Variants in SEMA5A observed in about 807,000 individuals in gnomAD.
SEMA5A encodes the protein semaphorin 5A.
In SEMA5A, 55 loss-of-function variants were observed where a neutral mutation model predicts 135.5. The ratio of observed to expected loss-of-function variants is 0.41; its 90% confidence interval spans 0.33 to 0.51. SEMA5A has a LOEUF of 0.51. SEMA5A is among the 20% of genes least tolerant of loss of function. SEMA5A has a pLI of 0.37. For missense variants in SEMA5A, 1,290 were observed against 1,419.9 expected (o/e 0.91, Z 1.47); for synonymous variants, 580 against 546.5 (o/e 1.06, Z -0.85).
At chr5:9,519,136 T>C (rs979239073) in intron 1 of SEMA5A, among the ~76,000 whole-genome samples, 2 of 152,232 alleles carry the variant, frequency 1.3e-5, no homozygotes, top group Non-Finnish European at 1.5e-5. Context: ...ATGGAGCTGC[T>C]AAGGCATCAG....
intron 5 of SEMA5A, among the ~76,000 whole-genome samples, chr5:9,262,846 T>G (rs1178673936): frequency 8.0e-6 from 1 of 124,754 alleles, no homozygotes; most frequent in African/African-American, 3.1e-5. Context: ...TGTATACATA[T>G]GTAACTAACC....
At chr5:9,054,401 C>T in intron 18 of SEMA5A, 144 bp from the exon 19 acceptor site, 2 of 994,296 alleles carry the variant, frequency 2.0e-6, no homozygotes, top group South Asian at 1.8e-5. Context: ...AGTGCATAGG[C>T]ACACGTAGCA....
chr5:9,353,241 A>G (rs201981449), intron 3 of SEMA5A, among the ~76,000 whole-genome samples: 5,220 of 94,582 alleles, frequency 0.055, 267 homozygotes, highest in Middle Eastern at 0.079. Context: ...GAAAGGAAGG[A>G]AAGGGAAGGG....
chr5:9,468,222 T>A (rs1276133690), intron 1 of SEMA5A, among the ~76,000 whole-genome samples: 3 of 152,214 alleles, frequency 2.0e-5, no homozygotes, highest in Non-Finnish European at 4.4e-5. Context: ...TTTTTCTTGT[T>A]GCAGCTTTAA....
chr5:9,443,436 T>C (rs989094955), intron 1 of SEMA5A, among the ~76,000 whole-genome samples: 1 of 152,182 alleles, frequency 6.6e-6, no homozygotes, highest in Non-Finnish European at 1.5e-5. Context: ...CCTGAAATGG[T>C]GCAGCCAACT....
intron 8 of SEMA5A, among the ~76,000 whole-genome samples, chr5:9,212,727 T>C (rs1344819482): frequency 1.3e-5 from 2 of 152,230 alleles, no homozygotes; most frequent in Non-Finnish European, 2.9e-5. Flanking sequence ...TGCTAATGTC[T>C]TACTCATTCA....
chr5:9,135,350 T>TTTTGTA (rs897498376), intron 13 of SEMA5A, among the ~76,000 whole-genome samples: 6 of 151,804 alleles, frequency 4.0e-5, no homozygotes, highest in Admixed American at 1.3e-4. Context: ...CTGGCTAATT[T>TTTTGTA]TTTGTATTTT....
intron 5 of SEMA5A, among the ~76,000 whole-genome samples, chr5:9,284,841 T>C (rs769385167): frequency 6.6e-6 from 1 of 152,226 alleles, no homozygotes; most frequent in Non-Finnish European, 1.5e-5. Flanking sequence ...TAGCACACAT[T>C]GCTTCAATTA....
chr5:9,241,208 A>T (rs1748178229), intron 5 of SEMA5A, among the ~76,000 whole-genome samples: 1 of 152,160 alleles, frequency 6.6e-6, no homozygotes, highest in Non-Finnish European at 1.5e-5. Context: ...TTCTGTAAAT[A>T]CATACAAATA....
chr5:9,165,981 T>G (rs1180958259), intron 11 of SEMA5A, among the ~76,000 whole-genome samples: 1 of 152,100 alleles, frequency 6.6e-6, no homozygotes, highest in Non-Finnish European at 1.5e-5. Context: ...GAAAAAAAGG[T>G]CTTCTTGGCT....
intron 16 of SEMA5A, among the ~76,000 whole-genome samples, chr5:9,072,814 CAAT>C (rs1403864422): frequency 3.3e-5 from 5 of 152,286 alleles, no homozygotes; most frequent in South Asian, 2.1e-4. Flanking sequence ...TTTAAATTCA[CAAT>C]GTCTTGCATC....
intron 13 of SEMA5A, among the ~76,000 whole-genome samples, chr5:9,127,558 C>A (rs572390309): frequency 6.6e-6 from 1 of 152,154 alleles, no homozygotes; most frequent in African/African-American, 2.4e-5. Flanking sequence ...CACCCTGTAC[C>A]GACAAACTGA....
rs570516255 is a variant in SEMA5A, at chr5:9,039,261, C to T, written c.*3636G>A. 333 of 152,462 alleles carry T rather than the reference C, an allele frequency of 2.2e-3. No homozygotes were observed. Among genetic ancestry groups the T allele is most frequent in the African/African-American group, 7.5e-3 (311 of 41,594 alleles). The allele number at this position is 152,462 out of a possible 1,614,324, so 9.4% of individuals were successfully genotyped here. A position where few individuals can be genotyped will look rare whatever the true frequency, so the allele number is the denominator to read the frequency against. Reference sequence around the variant, plus strand: ...AACCGTTTCCGGGAACTGTCCATAGCACTTGCTGGGGTGACCAGGTCCTGC... The same window carrying T: ...AACCGTTTCCGGGAACTGTCCATAGTACTTGCTGGGGTGACCAGGTCCTGC... On this transcript the variant is annotated 3_prime_UTR_variant, in exon 23 of 23. Coordinates refer to ENST00000382496, the MANE Select transcript of SEMA5A (RefSeq NM_003966.3).
intron 1 of SEMA5A, among the ~76,000 whole-genome samples, chr5:9,493,017 G>A (rs1281997946): frequency 6.6e-6 from 1 of 152,078 alleles, no homozygotes; most frequent in African/African-American, 2.4e-5. Flanking sequence ...TATGAACTCT[G>A]GGTGATGATG....
At chr5:9,066,683 G>A in intron 16 of SEMA5A, 37 bp from the exon 17 acceptor site, 2 of 1,586,068 alleles carry the variant, frequency 1.3e-6, no homozygotes, top group Non-Finnish European at 1.7e-6. Context: ...ACTATACGGG[G>A]TAAACAGAGC....
intron 6 of SEMA5A, among the ~76,000 whole-genome samples, chr5:9,227,783 C>T (rs1201640416): frequency 6.6e-6 from 1 of 152,124 alleles, no homozygotes; most frequent in Non-Finnish European, 1.5e-5. Context: ...ATCTCTTGAC[C>T]TCGTGATCTA....
At chr5:9,443,992 C>T (rs567057058) in intron 1 of SEMA5A, among the ~76,000 whole-genome samples, 3 of 152,334 alleles carry the variant, frequency 2.0e-5, no homozygotes, top group African/African-American at 7.2e-5. Flanking sequence ...CCTCTACAGG[C>T]CAGCACTGGC....
At chr5:9,176,062 A>G (rs1744187286) in intron 11 of SEMA5A, among the ~76,000 whole-genome samples, 1 of 152,220 alleles carries the variant, frequency 6.6e-6, no homozygotes, top group African/African-American at 2.4e-5. Context: ...ATCATGTGAC[A>G]TTGCCACAGT....
intron 1 of SEMA5A, among the ~76,000 whole-genome samples, chr5:9,443,102 T>G (rs1579548538): frequency 6.6e-6 from 1 of 152,204 alleles, no homozygotes; most frequent in African/African-American, 2.4e-5. Context: ...AGCCTGGGTG[T>G]CCAGGCTTCC....
Sources: gnomAD v4.1 joint callset for allele counts (sites outside exome capture counted in the v4.1 genomes callset) on GRCh38, gnomAD v4.1.1 for gene constraint, MANE v1.5 for transcripts, NCBI Gene and HGNC (gene_info 2026-07-23, HGNC 2026-07-21) for gene names.